The following TGM5 variants were observed in gnomAD, a reference collection of about 807,000 sequenced individuals.
The protein encoded by TGM5 is transglutaminase 5, also known as protein-glutamine gamma-glutamyltransferase 5.
TGM5 carries 69 observed loss-of-function variants against 77.2 expected under a neutral mutation model. The ratio of observed to expected loss-of-function variants is 0.89; its 90% confidence interval spans 0.74 to 1.09. The LOEUF (loss-of-function observed/expected upper bound fraction) is 1.09, where lower values mean the gene tolerates loss of function less well. Ranked by LOEUF, TGM5 falls within the 50% of genes least tolerant of loss-of-function variation. TGM5 has a pLI of 0.00. For missense variants in TGM5, 842 were observed against 896.5 expected (o/e 0.94, Z 0.78); for synonymous variants, 346 against 351.8 (o/e 0.98, Z 0.18).
intron 3 of TGM5, among the ~76,000 whole-genome samples, chr15:43,259,126 G>A (rs916099952): frequency 1.3e-5 from 2 of 152,250 alleles, no homozygotes; most frequent in Non-Finnish European, 2.9e-5. Context: ...TCAGAAGCCA[G>A]ACTTGGGAGT....
chr15:43,261,771 G>A (rs949702851), intron 1 of TGM5, among the ~76,000 whole-genome samples: 14 of 152,008 alleles, frequency 9.2e-5, no homozygotes, highest in African/African-American at 2.9e-4. Flanking sequence ...TAATTCCAAC[G>A]TCTTCTCATA....
chr15:43,255,292 C>T (rs975027189), intron 4 of TGM5, among the ~76,000 whole-genome samples: 1 of 152,100 alleles, frequency 6.6e-6, no homozygotes, highest in African/African-American at 2.4e-5. Context: ...CATGATCTCA[C>T]CACTGCCTTC....
intron 11 of TGM5, among the ~76,000 whole-genome samples, 181 bp downstream of exon 11, chr15:43,234,588 G>A (rs2042572929): frequency 6.6e-6 from 1 of 152,210 alleles, no homozygotes; most frequent in Non-Finnish European, 1.5e-5. Context: ...AGGGCCTCTA[G>A]TGAGTGGTGC....
rs1203340074 is a variant in TGM5, at chr15:43,260,063, G to A, written c.425C>T (p.Pro142Leu). The A allele has an allele frequency of 3.1e-6, 5 of 1,613,778 alleles. No homozygotes were observed. The East Asian group carries it at 1.1e-4, about 36-fold the overall frequency. Reference sequence around the variant, plus strand: ...GCACCCAGCCTTACCTGGGCACCAGGGATTGAAAAGCAGGATGAACTCCCC... The same window carrying A: ...GCACCCAGCCTTACCTGGGCACCAGAGATTGAAAAGCAGGATGAACTCCCC... Reference protein sequence around the residue: ...QLGEFILLFNPWCPEDAVYLD... With the variant: ...QLGEFILLFNLWCPEDAVYLD... Residue 142 changes from proline to leucine, a missense_variant, in exon 3 of 13, where the codon CCC becomes CTC. Transcript: ENST00000220420.
chr15:43,249,074 G>A (rs2042687435), intron 6 of TGM5, among the ~76,000 whole-genome samples: 1 of 151,980 alleles, frequency 6.6e-6, no homozygotes, highest in Non-Finnish European at 1.5e-5. Context: ...TCCCCTTACA[G>A]CCCCTGGGAC....
intron 1 of TGM5, among the ~76,000 whole-genome samples, chr15:43,265,600 A>C (rs965835657): frequency 3.3e-5 from 5 of 152,220 alleles, no homozygotes; most frequent in African/African-American, 1.2e-4. Flanking sequence ...TACTGGGCAT[A>C]TTTGTTTTCC....
intron 1 of TGM5, among the ~76,000 whole-genome samples, chr15:43,261,508 G>C (rs1309624500): frequency 6.6e-6 from 1 of 152,150 alleles, no homozygotes; most frequent in Admixed American, 6.5e-5. Flanking sequence ...CAACCTTCTG[G>C]AGCCTCTGCT....
Position 43,240,959 on chromosome 15 carries a change from C to G in TGM5, c.894G>C (p.Val298=). The G allele has an allele frequency of 6.2e-7, 1 of 1,614,170 alleles. No individual in the cohort carries two copies. Among genetic ancestry groups the G allele is most frequent in the Non-Finnish European group, 8.5e-7 (1 of 1,180,044 alleles). ...CGTGGCCAGAGTCGAAGTTGGTGAT[C>G]ACACGGGTAGGGATCCCCAGACACC... ...VMRCLGIPTR[V]ITNFDSGHDT... is the part of the protein sequence containing the mutation. Residue 298 remains valine (V), a synonymous_variant, in exon 7 of 13, where the codon GTG becomes GTC. Coordinates refer to ENST00000220420, the MANE Select transcript of TGM5 (RefSeq NM_201631.4).
chr15:43,264,006 C>G (rs1596453589), intron 1 of TGM5, among the ~76,000 whole-genome samples: 1 of 152,238 alleles, frequency 6.6e-6, no homozygotes, highest in Admixed American at 6.5e-5. Flanking sequence ...GGCAACTGAC[C>G]TGAATACACA....
chr15:43,256,710 C>A (rs145161096), intron 3 of TGM5, 24 bp from the exon 4 acceptor site: 13 of 1,544,184 alleles, frequency 8.4e-6, no homozygotes, highest in Non-Finnish European at 1.2e-5. Context: ...TGGGAGGGCA[C>A]GAAGCAGAAA....
chr15:43,266,288 C>T (rs1217398686), intron 1 of TGM5, among the ~76,000 whole-genome samples: 3 of 152,072 alleles, frequency 2.0e-5, no homozygotes, highest in East Asian at 1.9e-4. Context: ...TTTCAACTAA[C>T]GATTTAATCT....
intron 6 of TGM5, among the ~76,000 whole-genome samples, chr15:43,250,149 G>A (rs2042694400): frequency 6.6e-6 from 1 of 152,172 alleles, no homozygotes; most frequent in African/African-American, 2.4e-5. Context: ...CCAGACTTGG[G>A]TATGAGACTG....
At chr15:43,265,991 C>A (rs1317565658) in intron 1 of TGM5, among the ~76,000 whole-genome samples, 1 of 152,180 alleles carries the variant, frequency 6.6e-6, no homozygotes, top group Non-Finnish European at 1.5e-5. Flanking sequence ...ACATGCTAAT[C>A]CTATGTATTA....
At chr15:43,255,061 C>T (rs544470273) in intron 4 of TGM5, among the ~76,000 whole-genome samples, 232 of 152,176 alleles carry the variant, frequency 1.5e-3, no homozygotes, top group Non-Finnish European at 1.8e-3. Context: ...GGGCCAGGCG[C>T]GATGGCACAC....
intron 6 of TGM5, among the ~76,000 whole-genome samples, chr15:43,241,504 A>AG (rs2142361998): frequency 6.6e-6 from 1 of 152,326 alleles, no homozygotes; most frequent in East Asian, 1.9e-4. Flanking sequence ...TCATAGATTA[A>AG]GCCAAGAGGA....
intron 11 of TGM5, among the ~76,000 whole-genome samples, chr15:43,233,999 G>A (rs1471438385): frequency 1.4e-5 from 2 of 145,898 alleles, no homozygotes; most frequent in Admixed American, 6.7e-5. Context: ...GGCACCAGAG[G>A]AATCTACACA....
At chr15:43,234,273 T>TA (rs2042570416) in intron 11 of TGM5, among the ~76,000 whole-genome samples, 1 of 152,050 alleles carries the variant, frequency 6.6e-6, no homozygotes, top group Non-Finnish European at 1.5e-5. Context: ...AGGGAGACCT[T>TA]AAAATCTTCC....
At position 43,256,545 on chromosome 15, in the gene TGM5, C is replaced by A. The variant is rs375688118; in HGVS notation, c.555+23G>T. 1.8e-4 allele frequency: 293 copies of A among 1,583,942 alleles called. 1 individual carries two copies. The highest frequency in any genetic ancestry group is 2.5e-4 in the Non-Finnish European group (286 of 1,152,460). ...CCCACAAGCTCGGGGCCGGGATGGG[C>A]CATAAGCAGGGCTGAGACTCACCTG... is the stretch of plus-strand genomic sequence containing the variant. On this transcript the variant is annotated intron_variant, in intron 4 of 12. Coordinates refer to ENST00000220420, the MANE Select transcript of TGM5 (RefSeq NM_201631.4).
intron 6 of TGM5, among the ~76,000 whole-genome samples, chr15:43,242,306 C>A (rs896379053): frequency 6.6e-6 from 1 of 152,174 alleles, no homozygotes; most frequent in African/African-American, 2.4e-5. Flanking sequence ...GTGTTTTTAC[C>A]TAATTTTACA....
Sources: gnomAD v4.1 joint callset for allele counts (sites outside exome capture counted in the v4.1 genomes callset) on GRCh38, gnomAD v4.1.1 for gene constraint, MANE v1.5 for transcripts, NCBI Gene and HGNC (gene_info 2026-07-23, HGNC 2026-07-21) for gene names.